LZTS1: variants seen among roughly 807,000 people sequenced by gnomAD.
The protein encoded by LZTS1 is leucine zipper tumor suppressor 1, also known as leucine zipper putative tumor suppressor 1.
Under a neutral mutation model 45.8 loss-of-function variants are expected in LZTS1, and 31 were observed. That is an observed-to-expected ratio of 0.68 (90% CI 0.51 to 0.91). The LOEUF is 0.91. Among genes scored for constraint, LZTS1 ranks in the 40% least tolerant of loss-of-function variants. The pLI, the probability that LZTS1 is intolerant of heterozygous loss-of-function variation, is 0.00. For synonymous variants in LZTS1, 359 were observed against 357.3 expected (o/e 1.00, Z -0.05); for missense variants, 821 against 788.9 (o/e 1.04, Z -0.49).
rs3735837 is a variant in LZTS1 at position 20,247,471 on chromosome 8, G to A, written c.*2251C>T. On this transcript the variant is annotated 3_prime_UTR_variant, in exon 4 of 4. Transcript: ENST00000381569. ...GGTGGAAATGAAGGAACTGAGGGCTGAGGCGCAAGGAATGGGGCATCTTTG... is the reference window on the plus strand; with the variant it reads ...GGTGGAAATGAAGGAACTGAGGGCTAAGGCGCAAGGAATGGGGCATCTTTG... 3 of 153,272 alleles carry A rather than the reference G, an allele frequency of 2.0e-5. No homozygotes were observed. The East Asian group carries it at 5.8e-4, about 29-fold the overall frequency. 9.5% of individuals were successfully genotyped at this position (153,272 alleles called of 1,614,324 possible). A position where few individuals can be genotyped will look rare whatever the true frequency, so the allele number is the denominator to read the frequency against.
chr8:20,252,329 C>T (rs1799946520), intron 3 of LZTS1, among the ~76,000 whole-genome samples: 1 of 152,206 alleles, frequency 6.6e-6, no homozygotes. Flanking sequence ...CTGAAACCTG[C>T]CACCAATAGG....
rs113278889 is a variant in LZTS1 at position 20,290,106 on chromosome 8, C to T, written c.-135+13634G>A. The T allele has an allele frequency of 3.4e-3, 525 of 152,340 alleles. 2 individuals carry two copies. The highest frequency in any genetic ancestry group is 0.014 in the Middle Eastern group (4 of 294). The allele number at this position is 152,340 out of a possible 1,614,324, so 9.4% of individuals were successfully genotyped here. A position where few individuals can be genotyped will look rare whatever the true frequency, so the allele number is the denominator to read the frequency against. ...CTCCTGGGCATTCCTACAAGCCATGCGAGCCCCGTGTTGGTGGAGACACTG... is the reference window on the plus strand; with the variant it reads ...CTCCTGGGCATTCCTACAAGCCATGTGAGCCCCGTGTTGGTGGAGACACTG... On this transcript the variant is annotated intron_variant, in intron 1 of 3. Coordinates refer to ENST00000381569, the MANE Select transcript of LZTS1 (RefSeq NM_021020.5).
At chr8:20,275,716 C>T (rs57092179) in intron 1 of LZTS1, 39,034 of 152,148 alleles carry the variant, frequency 0.26, 5,873 homozygotes, top group African/African-American at 0.41. Context: ...CATTGTGATG[C>T]AAATGAGTGA....
intron 1 of LZTS1, among the ~76,000 whole-genome samples, chr8:20,266,554 C>T (rs1800359937): frequency 6.6e-6 from 1 of 151,702 alleles, no homozygotes; most frequent in Non-Finnish European, 1.5e-5. Flanking sequence ...GAAGTGCATC[C>T]ACCCCCTTCC....
chr8:20,302,569 T>C (rs1000589154), intron 1 of LZTS1, among the ~76,000 whole-genome samples: 3 of 152,206 alleles, frequency 2.0e-5, no homozygotes, highest in African/African-American at 4.8e-5. Flanking sequence ...GCTGGGCTCC[T>C]GGGCTCCCAG....
intron 1 of LZTS1, among the ~76,000 whole-genome samples, chr8:20,276,456 A>T (rs977605572): frequency 3.3e-5 from 5 of 152,326 alleles, no homozygotes; most frequent in African/African-American, 1.2e-4. Flanking sequence ...CCAAAAGGAC[A>T]GGGCTCAGGA....
intron 1 of LZTS1, among the ~76,000 whole-genome samples, chr8:20,260,236 G>A (rs2128894107): frequency 6.6e-6 from 1 of 152,210 alleles, no homozygotes; most frequent in African/African-American, 2.4e-5. Flanking sequence ...TTGACTGATT[G>A]ATTTTTAATT....
intron 1 of LZTS1, among the ~76,000 whole-genome samples, chr8:20,294,145 C>T (rs1390454637): frequency 1.3e-5 from 2 of 152,174 alleles, no homozygotes; most frequent in Middle Eastern, 3.2e-3. Context: ...AGCACAGGCT[C>T]TTTTGTGTCC....
At chr8:20,299,597 T>C (rs1276876161) in intron 1 of LZTS1, among the ~76,000 whole-genome samples, 1 of 152,128 alleles carries the variant, frequency 6.6e-6, no homozygotes, top group Non-Finnish European at 1.5e-5. Context: ...GCAGAGTTTT[T>C]CAAACTTGAT....
chr8:20,290,950 C>G (rs1206023210), intron 1 of LZTS1, among the ~76,000 whole-genome samples: 2 of 152,158 alleles, frequency 1.3e-5, no homozygotes, highest in Non-Finnish European at 2.9e-5. Context: ...GGGTCCTTCC[C>G]GAGGGAGGAC....
intron 1 of LZTS1, among the ~76,000 whole-genome samples, chr8:20,279,469 T>A (rs1348649785): frequency 6.6e-6 from 1 of 152,058 alleles, no homozygotes; most frequent in Non-Finnish European, 1.5e-5. Context: ...GAAGGCTGAA[T>A]TGAGAGAATC....
At chr8:20,276,724 G>C (rs1436659043) in intron 1 of LZTS1, among the ~76,000 whole-genome samples, 2 of 152,230 alleles carry the variant, frequency 1.3e-5, no homozygotes, top group East Asian at 3.8e-4. Context: ...AAACAACCTG[G>C]TGAATTAATC....
rs749570025 is a variant in LZTS1, at chr8:20,250,346, G to A, written c.1167C>T (p.Gly389=). 1.2e-4 allele frequency: 186 copies of A among 1,603,320 alleles called. No individual in the cohort carries two copies. The highest frequency in any genetic ancestry group is 1.5e-4 in the Non-Finnish European group (173 of 1,173,328). Residue 389 remains glycine, a synonymous_variant, in exon 4 of 4, where the codon GGC becomes GGT. Transcript: ENST00000381569. ...ETQWEVCQKS[G]EISLLKQQLK... Reference sequence around the variant, plus strand: ...GCTGCTGCTTCAGGAGGGAGATCTCGCCTGACTTCTGGCACACCTGCCGAG... The same window carrying A: ...GCTGCTGCTTCAGGAGGGAGATCTCACCTGACTTCTGGCACACCTGCCGAG...
Position 20,252,826 on chromosome 8 carries a change from C to A in LZTS1, c.1105G>T (p.Glu369Ter). ...AGCGCGGGGCCGAAGCTGGTCTTCTCCCTCTCGTAGGACCTGAGCTTGGTC... is the reference window on the plus strand; with the variant it reads ...AGCGCGGGGCCGAAGCTGGTCTTCTACCTCTCGTAGGACCTGAGCTTGGTC... ...LETKLRSYER[E>*]KTSFGPALEE... The change falls in exon 3 of 4, where the codon GAG becomes TAG. Residue 369 changes from glutamate to a stop codon, truncating the protein, a stop_gained. Transcript: ENST00000381569. LOFTEE classifies it high-confidence loss of function. 6.4e-7 allele frequency: 1 copy of A among 1,553,056 alleles called. No individual in the cohort carries two copies. The highest frequency in any genetic ancestry group is 1.2e-5 in the South Asian group (1 of 84,084).
In LZTS1 at chr8:20,255,279, T is replaced by C. The variant is rs1017792487; in HGVS notation, c.-98A>G. Reference sequence around the variant, plus strand: ...TGGCTCCGTGAGGGGACTGAGGTCATAGCAAAGCCCTCACAGAGCCTGCGA... The same window carrying C: ...TGGCTCCGTGAGGGGACTGAGGTCACAGCAAAGCCCTCACAGAGCCTGCGA... On this transcript the variant is annotated 5_prime_UTR_variant, in exon 2 of 4. The change abolishes an upstream ATG in the 5' untranslated region. Coordinates refer to ENST00000381569, the MANE Select transcript of LZTS1 (RefSeq NM_021020.5). 4.1e-6 allele frequency: 6 copies of C among 1,472,844 alleles called. No individual in the cohort carries two copies. Among genetic ancestry groups the C allele is most frequent in the East Asian group, 4.8e-5 (2 of 41,624 alleles). 91.2% of individuals were successfully genotyped at this position (1,472,844 alleles called of 1,614,324 possible).
chr8:20,249,667 G>T lies in LZTS1; in HGVS notation c.*55C>A. 1 of 1,551,640 alleles carries T rather than the reference G, an allele frequency of 6.4e-7. No homozygotes were observed. Among genetic ancestry groups the T allele is most frequent in the Non-Finnish European group, 8.7e-7 (1 of 1,153,402 alleles). On this transcript the variant is annotated 3_prime_UTR_variant, in exon 4 of 4. Transcript: ENST00000381569. ...AATTGCTGAGCAGGGGGGATGCACG[G>T]GAGAGCCCTGCCTCCCAGTGCCAGG...
intron 1 of LZTS1, among the ~76,000 whole-genome samples, chr8:20,260,636 G>A (rs766436442): frequency 5.9e-5 from 9 of 152,200 alleles, no homozygotes; most frequent in Non-Finnish European, 1.0e-4. Context: ...TTCTCTAGCC[G>A]AGCTTCATTT....
intron 1 of LZTS1, among the ~76,000 whole-genome samples, chr8:20,275,218 A>T (rs1007553925): frequency 2.0e-5 from 3 of 152,122 alleles, no homozygotes; most frequent in African/African-American, 4.8e-5. Flanking sequence ...CCTGGCCAAC[A>T]TGGTGAAACC....
At position 20,284,490 on chromosome 8, in the gene LZTS1, C is replaced by A. The variant is rs1391004976; in HGVS notation, c.-135+19250G>T. On this transcript the variant is annotated intron_variant, in intron 1 of 3. Transcript: ENST00000381569. The stretch of plus-strand genomic sequence containing the variant: ...GTTTATTGTTTGTTTTTGTTTTAAT[C>A]ACAAGATTAGTTAAGAGAAGGTAAA... 7.2e-5 allele frequency among the ~76,000 whole-genome samples: 11 copies of A among 152,158 alleles called. No individual in the cohort carries two copies. The South Asian group carries it at 1.2e-3, about 17-fold the overall frequency.
Sources: gnomAD v4.1 joint callset for allele counts (sites outside exome capture counted in the v4.1 genomes callset) on GRCh38, gnomAD v4.1.1 for gene constraint, MANE v1.5 for transcripts, NCBI Gene and HGNC (gene_info 2026-07-23, HGNC 2026-07-21) for gene names.